The following DMD variants were observed in gnomAD, a reference collection of about 807,000 sequenced individuals.
DMD encodes mutant dystrophin.
In DMD, 63 loss-of-function variants were observed where a neutral mutation model predicts 330.1. That is an observed-to-expected ratio of 0.19 (90% CI 0.16 to 0.24). DMD has a LOEUF of 0.24. Ranked by LOEUF, DMD falls within the 10% of genes least tolerant of loss-of-function variation. DMD has a pLI of 1.00. For missense variants in DMD, 3,344 were observed against 2,684.1 expected, an observed-to-expected ratio of 1.25 and a Z score of -5.43; for synonymous variants, 1,223 against 959.8, an observed-to-expected ratio of 1.27 and a Z score of -5.07.
At chrX:31,573,604 A>G (rs2075936225) in intron 55 of DMD, among the ~76,000 whole-genome samples, 1 of 112,268 alleles carries the variant, frequency 8.9e-6, no homozygotes, top group Non-Finnish European at 1.9e-5. Flanking sequence ...ATCTACTTAG[A>G]AAAACATCTA....
intron 48 of DMD, among the ~76,000 whole-genome samples, chrX:31,837,211 T>C (rs1398542869): frequency 1.8e-5 from 2 of 112,413 alleles, no homozygotes; most frequent in Admixed American, 1.9e-4. Flanking sequence ...CAAAATTCTG[T>C]GTTTAGTATT....
chrX:31,479,884 G>C (rs2068108605), intron 57 of DMD, among the ~76,000 whole-genome samples: 1 of 111,981 alleles, frequency 8.9e-6, no homozygotes, highest in African/African-American at 3.2e-5. Flanking sequence ...AGTGAAAACA[G>C]TAAGTTCACA....
At chrX:31,846,606 AT>A (rs2093431363) in intron 48 of DMD, among the ~76,000 whole-genome samples, 1 of 112,007 alleles carries the variant, frequency 8.9e-6, no homozygotes, top group Non-Finnish European at 1.9e-5. Flanking sequence ...AAGGCTGGAT[AT>A]TTCTTCCTTT....
chrX:31,217,534 A>T (rs1602846108), intron 64 of DMD, among the ~76,000 whole-genome samples: 1 of 112,366 alleles, frequency 8.9e-6, no homozygotes, highest in African/African-American at 3.2e-5. Flanking sequence ...CTGAGATAAC[A>T]TCATTAATTT....
chrX:31,877,287 C>T (rs1375093122), intron 47 of DMD, among the ~76,000 whole-genome samples: 1 of 111,793 alleles, frequency 8.9e-6, no homozygotes, highest in Non-Finnish European at 1.9e-5. Flanking sequence ...CTGGGACTGA[C>T]CCTAGGCTCC....
At chrX:32,780,646 T>C (rs1255854767) in intron 7 of DMD, among the ~76,000 whole-genome samples, 1 of 111,646 alleles carries the variant, frequency 9.0e-6, no homozygotes, top group Non-Finnish European at 1.9e-5. Flanking sequence ...ATACTGACCA[T>C]TTCATTGCTT....
At chrX:31,821,493 G>T (rs73461900) in intron 49 of DMD, among the ~76,000 whole-genome samples, 14,185 of 111,225 alleles carry the variant, frequency 0.13, 631 homozygotes, top group Admixed American at 0.18. Context: ...TGCGAAACCC[G>T]AGCAGAGAAA....
chrX:32,287,827 T>C (rs2097449187), intron 42 of DMD, 126 bp from the exon 43 acceptor site: 2 of 469,433 alleles, frequency 4.3e-6, no homozygotes, highest in Non-Finnish European at 6.6e-6. Context: ...TATTGACTTT[T>C]TAAAGTTAAT....
intron 2 of DMD, among the ~76,000 whole-genome samples, chrX:32,992,424 T>G (rs1442310816): frequency 1.8e-5 from 2 of 111,469 alleles, no homozygotes; most frequent in Non-Finnish European, 3.8e-5. Context: ...ATTTTGATTG[T>G]ATAATCAACT....
intron 52 of DMD, among the ~76,000 whole-genome samples, chrX:31,716,259 C>T: frequency 8.9e-6 from 1 of 112,467 alleles, no homozygotes; most frequent in Non-Finnish European, 1.9e-5. Context: ...TTTTTAAAAA[C>T]ATGTGTTAGC....
chrX:31,361,497 T>C (rs1050471946), intron 60 of DMD, among the ~76,000 whole-genome samples: 3 of 111,391 alleles, frequency 2.7e-5, no homozygotes, highest in Non-Finnish European at 3.8e-5. Context: ...AAGGGCAATA[T>C]GTATTTTTGG....
chrX:32,130,540 A>G (rs956716734), intron 44 of DMD, among the ~76,000 whole-genome samples: 1 of 111,240 alleles, frequency 9.0e-6, no homozygotes, highest in Non-Finnish European at 1.9e-5. Flanking sequence ...TAAACAAAAA[A>G]AGCCCAACTC....
intron 18 of DMD, among the ~76,000 whole-genome samples, chrX:32,503,625 A>C (rs771927486): frequency 3.6e-5 from 4 of 110,953 alleles, no homozygotes; most frequent in Non-Finnish European, 7.6e-5. Context: ...GCATGATCTC[A>C]GCTCACTGCA....
intron 42 of DMD, among the ~76,000 whole-genome samples, chrX:32,287,993 T>C (rs1212799790): frequency 9.0e-6 from 1 of 110,636 alleles, no homozygotes; most frequent in Admixed American, 9.7e-5. Flanking sequence ...ATCCTTCTCA[T>C]CCTGATCTTA....
chrX:33,231,641 G>A (rs763195481), intron 1 of DMD, among the ~76,000 whole-genome samples: 1 of 111,350 alleles, frequency 9.0e-6, no homozygotes, highest in Non-Finnish European at 1.9e-5. Context: ...GGGCTATCGA[G>A]GCACCTAGAG....
At chrX:32,949,349 GATAGATAGATAGATAGA>G (rs2091059933) in intron 2 of DMD, among the ~76,000 whole-genome samples, 1 of 60,782 alleles carries the variant, frequency 1.6e-5, no homozygotes, top group African/African-American at 2.0e-4. Context: ...TAGGTAGATA[GATAGATAGATAGATAGA>G]TAGATAGATA....
At chrX:33,182,571 G>A (rs1213056247) in intron 1 of DMD, among the ~76,000 whole-genome samples, 1 of 111,089 alleles carries the variant, frequency 9.0e-6, no homozygotes, top group Non-Finnish European at 1.9e-5. Flanking sequence ...ACCACACCCA[G>A]CCACTCTGAT....
At chrX:31,651,660 G>A (rs895857759) in intron 54 of DMD, among the ~76,000 whole-genome samples, 1 of 111,001 alleles carries the variant, frequency 9.0e-6, no homozygotes, top group African/African-American at 3.3e-5. Context: ...CCATCTTTCC[G>A]TTGCTCAGGC....
intron 50 of DMD, among the ~76,000 whole-genome samples, chrX:31,792,155 A>C (rs1453771842): frequency 9.0e-6 from 1 of 111,694 alleles, no homozygotes; most frequent in African/African-American, 3.3e-5. Flanking sequence ...GAACCACCCA[A>C]TTACCCAATA....
Sources: gnomAD v4.1 joint callset for allele counts (sites outside exome capture counted in the v4.1 genomes callset) on GRCh38, gnomAD v4.1.1 for gene constraint, MANE v1.5 for transcripts, NCBI Gene and HGNC (gene_info 2026-07-23, HGNC 2026-07-21) for gene names.